Variants in ADARB2 observed in about 807,000 individuals in gnomAD.
The protein encoded by ADARB2 is adenosine deaminase RNA specific B2 (inactive).
In ADARB2, 25 loss-of-function variants were observed where a neutral mutation model predicts 62.2. That is an observed-to-expected ratio of 0.40 (90% CI 0.29 to 0.56). The LOEUF (loss-of-function observed/expected upper bound fraction) is 0.56. Ranked by LOEUF, ADARB2 falls within the 20% of genes least tolerant of loss-of-function variation. ADARB2 has a pLI of 0.43. For missense variants in ADARB2, 1,071 were observed against 1,077.4 expected, an observed-to-expected ratio of 0.99 and a Z score of 0.08; for synonymous variants, 572 against 500.8, an observed-to-expected ratio of 1.14 and a Z score of -1.90.
chr10:1,261,441 T>A (rs1831135360), intron 4 of ADARB2, among the ~76,000 whole-genome samples: 1 of 148,740 alleles, frequency 6.7e-6, no homozygotes, highest in Non-Finnish European at 1.5e-5. Flanking sequence ...TACAATGAAC[T>A]CAAACAAATT....
chr10:1,443,300 G>T (rs1274009961), intron 1 of ADARB2, among the ~76,000 whole-genome samples: 1 of 152,110 alleles, frequency 6.6e-6, no homozygotes, highest in African/African-American at 2.4e-5. Flanking sequence ...CCTACATCTG[G>T]TTCTTGCTGA....
chr10:1,645,913 A>T (rs1361065559), intron 1 of ADARB2, among the ~76,000 whole-genome samples: 1 of 152,216 alleles, frequency 6.6e-6, no homozygotes, highest in Non-Finnish European at 1.5e-5. Flanking sequence ...ATTCCAGCAC[A>T]GGGAAGGTGC....
At chr10:1,686,418 G>A (rs1442572167) in intron 1 of ADARB2, among the ~76,000 whole-genome samples, 3 of 152,230 alleles carry the variant, frequency 2.0e-5, no homozygotes, top group Non-Finnish European at 4.4e-5. Flanking sequence ...AACTACAGCT[G>A]CCGCAAGCTC....
intron 1 of ADARB2, among the ~76,000 whole-genome samples, chr10:1,603,685 G>C (rs549480643): frequency 7.2e-6 from 1 of 138,832 alleles, no homozygotes; most frequent in South Asian, 2.4e-4. Context: ...CAATTTTAGA[G>C]CTGTGATCTT....
At chr10:1,733,530 C>G (rs558595819) in intron 1 of ADARB2, among the ~76,000 whole-genome samples, 1 of 152,054 alleles carries the variant, frequency 6.6e-6, no homozygotes, top group Non-Finnish European at 1.5e-5. Context: ...TGAAGTTATT[C>G]CAGGGTTCAG....
Position 1,299,847 on chromosome 10 carries a change from G to T in ADARB2, c.1078-28778C>A, listed in dbSNP as rs192913833. 7.6e-4 allele frequency among the ~76,000 whole-genome samples: 115 copies of T among 152,290 alleles called. 1 individual carries two copies. The highest frequency in any genetic ancestry group is 2.6e-3 in the African/African-American group (106 of 41,562). Reference sequence around the variant, plus strand: ...TCCCCTGTGCTTCCGGAGGCCATGCGGACACCCTGGCCTCTTCCCTGCTCT... The same window carrying T: ...TCCCCTGTGCTTCCGGAGGCCATGCTGACACCCTGGCCTCTTCCCTGCTCT... On this transcript the variant is annotated intron_variant, in intron 3 of 9. Transcript: ENST00000381312.
intron 3 of ADARB2, among the ~76,000 whole-genome samples, chr10:1,325,930 A>AACGCCTC (rs139721625): frequency 0.044 from 6,758 of 152,292 alleles, 434 homozygotes; most frequent in African/African-American, 0.14. Context: ...TTAAACTCCT[A>AACGCCTC]ACGCCTCAGA....
At chr10:1,269,991 T>G (rs1422865614) in intron 4 of ADARB2, among the ~76,000 whole-genome samples, 2 of 152,218 alleles carry the variant, frequency 1.3e-5, no homozygotes, top group Non-Finnish European at 2.9e-5. Flanking sequence ...AACTTTACCT[T>G]TCAAAGAATC....
chr10:1,442,429 G>T (rs989012773), intron 1 of ADARB2, among the ~76,000 whole-genome samples: 7 of 152,086 alleles, frequency 4.6e-5, no homozygotes, highest in Non-Finnish European at 7.4e-5. Flanking sequence ...TCAGTGTGGA[G>T]CTCAAACCAC....
chr10:1,477,057 C>T lies in ADARB2; in HGVS notation c.101-97897G>A, dbSNP rs1038663334. On this transcript the variant is annotated intron_variant, in intron 1 of 9. Coordinates refer to ENST00000381312, the MANE Select transcript of ADARB2 (RefSeq NM_018702.4). This position sits in a 1 kb window ranked among gnomAD's most constrained non-coding sequence, Gnocchi z 4.5. ...GATCCCCACCTGGCCTACGATCCAA[C>T]CCCTAGAGCACCTTCACAGCCACGC... Among the ~76,000 whole-genome samples, 10 of 152,132 alleles carry T rather than the reference C, an allele frequency of 6.6e-5. No individual in the cohort carries two copies. The highest frequency in any genetic ancestry group is 6.5e-5 in the Admixed American group (1 of 15,284).
At chr10:1,436,499 G>A (rs963714804) in intron 1 of ADARB2, among the ~76,000 whole-genome samples, 17 of 152,034 alleles carry the variant, frequency 1.1e-4, no homozygotes, top group African/African-American at 3.1e-4. Context: ...ATTGGAACTG[G>A]GTTATTCTTC....
rs1241981367 is a variant in ADARB2 at position 1,177,547 on chromosome 10, G to GCTTACAAAATGCTGAAAA, written c.*5628_*5645dup. 1.3e-5 allele frequency: 2 copies of GCTTACAAAATGCTGAAAA among 151,314 alleles called. No individual in the cohort carries two copies. The highest frequency in any genetic ancestry group is 2.9e-5 in the Non-Finnish European group (2 of 67,904). The allele number at this position is 151,314 out of a possible 1,614,324, so 9.4% of individuals were successfully genotyped here. On this transcript the variant is annotated 3_prime_UTR_variant, in exon 10 of 10. Transcript: ENST00000381312. Reference sequence around the variant, plus strand: ...AATTACTATGTGTTAAGTTCATTTTGCTTACAAAATGCTGAAAACTAACGG... The same window carrying GCTTACAAAATGCTGAAAA: ...AATTACTATGTGTTAAGTTCATTTTGCTTACAAAATGCTGAAAACTTACAAAATGCTGAAAACTAACGG...
chr10:1,315,188 G>A (rs926029624), intron 3 of ADARB2, among the ~76,000 whole-genome samples: 1 of 152,176 alleles, frequency 6.6e-6, no homozygotes, highest in Non-Finnish European at 1.5e-5. Context: ...TCAGCGGGGT[G>A]GGGGCTTGCA....
intron 7 of ADARB2, among the ~76,000 whole-genome samples, chr10:1,214,466 G>C (rs933738688): frequency 3.5e-5 from 5 of 141,916 alleles, no homozygotes; most frequent in African/African-American, 1.4e-4. Context: ...GCGTTGCGTG[G>C]GTTTGCCCCT....
intron 1 of ADARB2, among the ~76,000 whole-genome samples, chr10:1,694,202 T>C (rs1442490060): frequency 6.6e-6 from 1 of 152,220 alleles, no homozygotes; most frequent in African/African-American, 2.4e-5. Context: ...TTCTGTACGG[T>C]TTTACTACAA....
At chr10:1,403,286 C>G (rs1248268617) in intron 1 of ADARB2, among the ~76,000 whole-genome samples, 1 of 152,188 alleles carries the variant, frequency 6.6e-6, no homozygotes, top group Non-Finnish European at 1.5e-5. Context: ...GACCAAATAT[C>G]TCAAGCGTCT....
chr10:1,225,490 C>T (rs527381133), intron 6 of ADARB2, among the ~76,000 whole-genome samples: 343 of 152,282 alleles, frequency 2.3e-3, no homozygotes, highest in African/African-American at 7.7e-3. Flanking sequence ...TTAGTTGATG[C>T]AGTTTCTTCC....
At chr10:1,578,079 C>T (rs1242055621) in intron 1 of ADARB2, among the ~76,000 whole-genome samples, 1 of 152,180 alleles carries the variant, frequency 6.6e-6, no homozygotes, top group Non-Finnish European at 1.5e-5. Context: ...ATCTGCGGGG[C>T]TTCTTTCAGC....
At chr10:1,698,475 C>T (rs757913837) in intron 1 of ADARB2, among the ~76,000 whole-genome samples, 1 of 152,172 alleles carries the variant, frequency 6.6e-6, no homozygotes, top group Non-Finnish European at 1.5e-5. Flanking sequence ...GCTGAAGATC[C>T]CCTTTCTTGT....
Sources: gnomAD v4.1 joint callset for allele counts (sites outside exome capture counted in the v4.1 genomes callset) on GRCh38, gnomAD v4.1.1 for gene constraint, Gnocchi (gnomAD v3.1) non-coding constraint, MANE v1.5 for transcripts, NCBI Gene and HGNC (gene_info 2026-07-23, HGNC 2026-07-21) for gene names.